Variants in TERB1 observed in about 807,000 individuals in gnomAD.
TERB1 encodes telomere repeats-binding bouquet formation protein 1.
Under a neutral mutation model 92.3 loss-of-function variants are expected in TERB1, and 63 were observed. The ratio of observed to expected loss-of-function variants is 0.68; its 90% CI spans 0.56 to 0.84. The LOEUF (loss-of-function observed/expected upper bound fraction) is 0.84, where lower values mean the gene tolerates loss of function less well. Ranked by LOEUF, TERB1 falls within the 40% of genes least tolerant of loss-of-function variation. The pLI is 0.00. For missense variants in TERB1, 709 were observed against 843.7 expected (o/e 0.84, Z 1.98); for synonymous variants, 252 against 283.9 (o/e 0.89, Z 1.13).
rs537397782 is a variant in TERB1 at position 66,793,375 on chromosome 16, C to T, written c.32-2356G>A. Among the ~76,000 whole-genome samples, 8 of 151,854 alleles carry T rather than the reference C, an allele frequency of 5.3e-5. No individual in the cohort carries two copies. The South Asian group carries it at 1.7e-3, about 32-fold the overall frequency. On this transcript the variant is annotated intron_variant, in intron 3 of 18. Coordinates refer to ENST00000433154, the MANE Select transcript of TERB1 (RefSeq NM_001136505.2). ...GGGATTACAAGTGCCCACCGCCATG[C>T]CCGGCTAATTTTCTGTATTTTTACG...
intron 10 of TERB1, 99 bp downstream of exon 10, chr16:66,778,764 T>A: frequency 9.9e-7 from 1 of 1,007,522 alleles, no homozygotes; most frequent in East Asian, 2.9e-5. Context: ...AGAAACTTAG[T>A]CTAAACCATG....
At chr16:66,791,324 A>T (rs1326502460) in intron 3 of TERB1, among the ~76,000 whole-genome samples, 2 of 152,138 alleles carry the variant, frequency 1.3e-5, no homozygotes, top group Non-Finnish European at 1.5e-5. Context: ...TAGAAAAAAA[A>T]AGTGGATAAA....
At chr16:66,799,869 C>G (rs1959228568) in intron 2 of TERB1, among the ~76,000 whole-genome samples, 1 of 152,050 alleles carries the variant, frequency 6.6e-6, no homozygotes, top group Non-Finnish European at 1.5e-5. Flanking sequence ...TATGTACTGC[C>G]ACAAACAAGG....
At chr16:66,798,082 AAAAAG>A (rs927626476) in intron 2 of TERB1, among the ~76,000 whole-genome samples, 2 of 152,022 alleles carry the variant, frequency 1.3e-5, no homozygotes, top group African/African-American at 4.8e-5. Flanking sequence ...AGAAAAAAAA[AAAAAG>A]AAAATACCTA....
chr16:66,773,852 C>G (rs1403280365), intron 12 of TERB1, among the ~76,000 whole-genome samples: 1 of 152,112 alleles, frequency 6.6e-6, no homozygotes, highest in Non-Finnish European at 1.5e-5. Flanking sequence ...TGATGTCTAG[C>G]ACTCTGCCTT....
At chr16:66,799,746 G>A (rs901567769) in intron 2 of TERB1, among the ~76,000 whole-genome samples, 2 of 151,834 alleles carry the variant, frequency 1.3e-5, no homozygotes, top group Non-Finnish European at 2.9e-5. Context: ...AACTTTCAAG[G>A]GATTGATAAT....
intron 5 of TERB1, among the ~76,000 whole-genome samples, chr16:66,789,702 GA>G (rs1247339533): frequency 2.6e-5 from 3 of 116,774 alleles, no homozygotes; most frequent in African/African-American, 7.7e-5. Flanking sequence ...CCTAAAAGGT[GA>G]TTTTTTTTTT....
chr16:66,774,481 G>A (rs1161266823), intron 12 of TERB1, among the ~76,000 whole-genome samples: 9 of 151,830 alleles, frequency 5.9e-5, no homozygotes, highest in Middle Eastern at 3.4e-3. Flanking sequence ...CACCGCGCCC[G>A]GCCCCAAACA....
intron 12 of TERB1, among the ~76,000 whole-genome samples, chr16:66,774,683 C>CTT (rs1555508412): frequency 1.5e-4 from 6 of 40,216 alleles, no homozygotes; most frequent in Non-Finnish European, 2.1e-4. Context: ...CTCTGATTTT[C>CTT]TTTTTTTTTT....
intron 14 of TERB1, among the ~76,000 whole-genome samples, chr16:66,769,617 C>G (rs891499835): frequency 6.6e-6 from 1 of 152,194 alleles, no homozygotes; most frequent in African/African-American, 2.4e-5. Flanking sequence ...TATCAATGCA[C>G]GCATTGTTAC....
intron 5 of TERB1, among the ~76,000 whole-genome samples, chr16:66,789,862 A>C (rs1012776283): frequency 6.6e-6 from 1 of 151,574 alleles, no homozygotes; most frequent in African/African-American, 2.4e-5. Context: ...GGTGCACACT[A>C]CCATGCCTGG....
At chr16:66,772,088 T>C (rs2018462512) in intron 13 of TERB1, among the ~76,000 whole-genome samples, 1 of 152,236 alleles carries the variant, frequency 6.6e-6, no homozygotes, top group African/African-American at 2.4e-5. Flanking sequence ...CAAAGCATGA[T>C]TCTTCCAGTA....
intron 9 of TERB1, among the ~76,000 whole-genome samples, chr16:66,780,604 G>A (rs986912400): frequency 1.3e-5 from 2 of 151,358 alleles, no homozygotes; most frequent in Non-Finnish European, 2.9e-5. Flanking sequence ...TTAATGCATT[G>A]ATGAAAATGG....
chr16:66,768,125 T>C lies in TERB1; in HGVS notation c.1663A>G (p.Lys555Glu), dbSNP rs1567468188. Residue 555 changes from lysine (K) to glutamate (E), a missense_variant, in exon 15 of 19, where the codon AAG becomes GAG. Lys to Glu is a moderately conservative substitution (Grantham distance 56, BLOSUM62 1). Coordinates refer to ENST00000433154, the MANE Select transcript of TERB1 (RefSeq NM_001136505.2). ...ATACCTGTTACTGGTAACTGCTGCT[T>C]TATATTTTTGGCAATGTGAACTGGG... ...KHPVHIAKNIKQQLPVTDPFT... is the reference protein window; with the variant it reads ...KHPVHIAKNIEQQLPVTDPFT... 2 of 1,550,722 alleles carry C rather than the reference T, an allele frequency of 1.3e-6. No homozygotes were observed. Among genetic ancestry groups the C allele is most frequent in the African/African-American group, 1.4e-5 (1 of 73,146 alleles).
At chr16:66,782,482 G>T (rs1026189990) in intron 9 of TERB1, among the ~76,000 whole-genome samples, 6 of 151,762 alleles carry the variant, frequency 4.0e-5, no homozygotes, top group Admixed American at 2.0e-4. Flanking sequence ...CCTGGGAGGT[G>T]GAGGTTGTAG....
intron 11 of TERB1, among the ~76,000 whole-genome samples, chr16:66,776,467 G>T (rs190622624): frequency 3.4e-4 from 52 of 152,240 alleles, no homozygotes; most frequent in African/African-American, 1.2e-3. Context: ...TTGAAAAAGG[G>T]TATAATCAAT....
intron 11 of TERB1, among the ~76,000 whole-genome samples, chr16:66,775,647 A>AAAAAC (rs969959982): frequency 1.3e-5 from 2 of 152,200 alleles, no homozygotes; most frequent in Non-Finnish European, 2.9e-5. Flanking sequence ...AAACAAAAAC[A>AAAAAC]AAAACAAAAC....
In TERB1 at chr16:66,770,088, T is replaced by C. The variant is rs1008381990; in HGVS notation, c.1494A>G (p.Ala498=). 2.1e-5 allele frequency: 32 copies of C among 1,551,928 alleles called. No homozygotes were observed. The highest frequency in any genetic ancestry group is 2.7e-5 in the Non-Finnish European group (31 of 1,147,068). ...DDQMKTPLKS[A]NPVHACYRES... is the part of the protein sequence containing the mutation. ...CCCTGTAACAAGCATGGACTGGATTTGCGCTCTTTAACGGTGTCTTCATTT... is the reference window on the plus strand; with the variant it reads ...CCCTGTAACAAGCATGGACTGGATTCGCGCTCTTTAACGGTGTCTTCATTT... The change falls in exon 14 of 19, where the codon GCA becomes GCG. Residue 498 remains alanine (A), a synonymous_variant. Transcript: ENST00000433154.
intron 16 of TERB1, among the ~76,000 whole-genome samples, chr16:66,761,909 T>C (rs974332153): frequency 6.6e-6 from 1 of 151,896 alleles, no homozygotes; most frequent in African/African-American, 2.4e-5. Flanking sequence ...AAAAATTAGC[T>C]AAGTGTATTG....
Sources: gnomAD v4.1 joint callset for allele counts (sites outside exome capture counted in the v4.1 genomes callset) on GRCh38, gnomAD v4.1.1 for gene constraint, MANE v1.5 for transcripts, NCBI Gene and HGNC (gene_info 2026-07-23, HGNC 2026-07-21) for gene names.